Variants in KCNIP4 observed in about 807,000 individuals in gnomAD.
The protein encoded by KCNIP4 is potassium voltage-gated channel interacting protein 4, also known as Kv channel-interacting protein 4.
A neutral mutation model predicts 34.0 loss-of-function variants in KCNIP4; 12 were observed. The ratio of observed to expected loss-of-function variants is 0.35; its 90% confidence interval spans 0.23 to 0.57. The LOEUF (loss-of-function observed/expected upper bound fraction) is 0.57, where lower values mean the gene tolerates loss of function less well. Ranked by LOEUF, KCNIP4 falls within the 20% of genes least tolerant of loss-of-function variation. KCNIP4 has a pLI of 0.83. For synonymous variants in KCNIP4, 124 were observed against 102.2 expected, an observed-to-expected ratio of 1.21 and a Z score of -1.29; for missense variants, 238 against 311.7, an observed-to-expected ratio of 0.76 and a Z score of 1.78.
At chr4:20,749,567 C>T in intron 5 of KCNIP4, 95 bp downstream of exon 5, 3 of 824,432 alleles carry the variant, frequency 3.6e-6, no homozygotes, top group East Asian at 2.7e-5. Flanking sequence ...CTTTCTTTCC[C>T]CTGAGCAAAA....
intron 1 of KCNIP4, among the ~76,000 whole-genome samples, chr4:21,934,601 A>T (rs1476222979): frequency 6.6e-6 from 1 of 152,010 alleles, no homozygotes; most frequent in Non-Finnish European, 1.5e-5. Context: ...TGCACCACCA[A>T]ACTGGACAAC....
intron 1 of KCNIP4, among the ~76,000 whole-genome samples, chr4:21,596,814 G>A (rs1363256692): frequency 6.6e-6 from 1 of 152,072 alleles, no homozygotes; most frequent in African/African-American, 2.4e-5. Context: ...GGTACCAGGT[G>A]TGGAGCTAAA....
chr4:20,861,639 C>A (rs1033081943), intron 2 of KCNIP4, among the ~76,000 whole-genome samples: 1 of 152,100 alleles, frequency 6.6e-6, no homozygotes, highest in Non-Finnish European at 1.5e-5. Context: ...TGAAAATGAA[C>A]AGTTCTTGGA....
intron 1 of KCNIP4, among the ~76,000 whole-genome samples, chr4:21,208,497 T>C (rs1044735854): frequency 6.6e-6 from 1 of 152,170 alleles, no homozygotes; most frequent in Non-Finnish European, 1.5e-5. Flanking sequence ...TCCTTGATCT[T>C]CTAACATGCT....
At position 21,247,920 on chromosome 4, in the gene KCNIP4, CAT is replaced by C. The variant is rs780567310; in HGVS notation, c.62-365213_62-365212del. On this transcript the variant is annotated intron_variant, in intron 1 of 8. Transcript: ENST00000382152. The stretch of plus-strand genomic sequence containing the variant: ...ATATATATATATATACACACACACA[CAT>C]ATATATATACACACATATATATATA... 1.8e-3 allele frequency among the ~76,000 whole-genome samples: 234 copies of C among 132,538 alleles called. 2 individuals carry two copies. The highest frequency in any genetic ancestry group is 0.012 in the Middle Eastern group (3 of 248). 87.0% of individuals were successfully genotyped at this position (132,538 alleles called of 152,430 possible). A position where few individuals can be genotyped will look rare whatever the true frequency, so the allele number is the denominator to read the frequency against.
intron 1 of KCNIP4, among the ~76,000 whole-genome samples, chr4:21,123,796 ACT>A (rs966848368): frequency 7.2e-5 from 11 of 151,960 alleles, no homozygotes; most frequent in Admixed American, 1.3e-4. Flanking sequence ...ATACCAGAGT[ACT>A]CTCTCTCCAC....
At chr4:20,999,433 TTTTTG>T (rs1737885369) in intron 1 of KCNIP4, among the ~76,000 whole-genome samples, 1 of 38,232 alleles carries the variant, frequency 2.6e-5, no homozygotes, top group African/African-American at 1.3e-4. Flanking sequence ...TTTTGTTTGT[TTTTTG>T]TTTTTTTTTT....
At position 21,691,756 on chromosome 4, in the gene KCNIP4, A is replaced by G. The variant is rs1394175021; in HGVS notation, c.61+256815T>C. Among the ~76,000 whole-genome samples the G allele has an allele frequency of 2.2e-5, 3 of 138,640 alleles. No individual in the cohort carries two copies. The East Asian group carries it at 6.4e-4, about 30-fold the overall frequency. 91.0% of individuals were successfully genotyped at this position (138,640 alleles called of 152,430 possible). ...ACCCTGTTGCCCAGGCTGGAGTGCA[A>G]TGGCGCCATCTTGGCCACTGCAACC... On this transcript the variant is annotated intron_variant, in intron 1 of 8. Transcript: ENST00000382152.
chr4:21,927,095 T>C (rs761330401), intron 1 of KCNIP4, among the ~76,000 whole-genome samples: 1 of 152,154 alleles, frequency 6.6e-6, no homozygotes. Flanking sequence ...TGGGCCTGTG[T>C]TCCCCTTCTA....
At chr4:21,128,638 C>G (rs1223840854) in intron 1 of KCNIP4, among the ~76,000 whole-genome samples, 2 of 152,302 alleles carry the variant, frequency 1.3e-5, no homozygotes, top group South Asian at 4.1e-4. Flanking sequence ...TCAATGCATA[C>G]CTCATTTAGA....
intron 1 of KCNIP4, among the ~76,000 whole-genome samples, chr4:21,194,752 A>C (rs2109357931): frequency 6.6e-6 from 1 of 152,302 alleles, no homozygotes; most frequent in South Asian, 2.1e-4. Flanking sequence ...TCATGCATTA[A>C]AGATGGTGGA....
At chr4:21,771,724 G>A (rs1017062094) in intron 1 of KCNIP4, among the ~76,000 whole-genome samples, 1 of 151,906 alleles carries the variant, frequency 6.6e-6, no homozygotes, top group Non-Finnish European at 1.5e-5. Context: ...TTTAGCTCTC[G>A]GCTTGCCTAT....
Position 21,532,005 on chromosome 4 carries a change from A to G in KCNIP4, c.61+416566T>C, listed in dbSNP as rs986884293. 2.1e-4 allele frequency among the ~76,000 whole-genome samples: 32 copies of G among 152,162 alleles called. No homozygotes were observed. The East Asian group carries it at 2.7e-3, about 13-fold the overall frequency. ...GGTAGGAAATTGAGGGTGCCTTGCT[A>G]TTTTCAGCAACTGTCAGAGTGTTCG... On this transcript the variant is annotated intron_variant, in intron 1 of 8. Transcript: ENST00000382152.
chr4:21,932,077 C>A (rs11724928), intron 1 of KCNIP4, among the ~76,000 whole-genome samples: 1 of 151,910 alleles, frequency 6.6e-6, no homozygotes, highest in Non-Finnish European at 1.5e-5. Flanking sequence ...CAGAAAAAAA[C>A]ACAGACAAGC....
intron 1 of KCNIP4, among the ~76,000 whole-genome samples, chr4:21,301,214 C>A (rs957414119): frequency 6.6e-6 from 1 of 152,110 alleles, no homozygotes; most frequent in African/African-American, 2.4e-5. Context: ...ATAATTTAAA[C>A]TTTTATATTA....
intron 3 of KCNIP4, among the ~76,000 whole-genome samples, chr4:20,844,798 T>A (rs1720168673): frequency 6.6e-6 from 1 of 152,166 alleles, no homozygotes; most frequent in East Asian, 1.9e-4. Context: ...CTGCAGAATT[T>A]CCCAAACACT....
intron 1 of KCNIP4, among the ~76,000 whole-genome samples, chr4:20,997,751 G>A (rs73099822): frequency 2.3e-4 from 35 of 152,244 alleles, no homozygotes; most frequent in African/African-American, 7.9e-4. Flanking sequence ...GACGAATGCC[G>A]TTGGATCAAT....
At chr4:21,193,055 G>A (rs1270583215) in intron 1 of KCNIP4, among the ~76,000 whole-genome samples, 4 of 151,302 alleles carry the variant, frequency 2.6e-5, no homozygotes, top group African/African-American at 9.8e-5. Flanking sequence ...GGATGAGGAT[G>A]TTGTGAGCAG....
At chr4:21,338,692 C>A (rs934362754) in intron 1 of KCNIP4, among the ~76,000 whole-genome samples, 4 of 151,422 alleles carry the variant, frequency 2.6e-5, no homozygotes, top group African/African-American at 9.7e-5. Context: ...TCTTACTACC[C>A]AAAGGATTAT....
Sources: allele counts gnomAD v4.1 joint callset (sites outside exome capture counted in the v4.1 genomes callset), GRCh38; gene constraint gnomAD v4.1.1; transcripts MANE v1.5; gene names NCBI Gene and HGNC (gene_info 2026-07-23, HGNC 2026-07-21).